MUC6: variants seen among roughly 807,000 people sequenced by gnomAD.
MUC6 encodes mucin-6.
MUC6 carries 188 observed loss-of-function variants against 201.5 expected under a neutral mutation model. That is an observed-to-expected ratio of 0.93 (90% CI 0.83 to 1.05). The LOEUF (loss-of-function observed/expected upper bound fraction) is 1.05, where lower values mean the gene tolerates loss of function less well. Ranked by LOEUF, MUC6 falls within the 50% of genes least tolerant of loss-of-function variation. The pLI, the probability that MUC6 is intolerant of heterozygous loss-of-function variation, is 0.00. For synonymous variants in MUC6, 1,228 were observed against 1,389.4 expected, an observed-to-expected ratio of 0.88 and a Z score of 2.58; for missense variants, 2,706 against 3,256.9, an observed-to-expected ratio of 0.83 and a Z score of 4.12.
chr11:1,015,192 G>A (rs1383552079), intron 31 of MUC6, among the ~76,000 whole-genome samples: 1 of 145,482 alleles, frequency 6.9e-6, no homozygotes, highest in Non-Finnish European at 1.5e-5. Flanking sequence ...CTGGGGAGCA[G>A]TGGACTCGCT....
chr11:1,030,371 C>G, intron 7 of MUC6, 36 bp from the exon 8 acceptor site: 1 of 1,479,966 alleles, frequency 6.8e-7, no homozygotes, highest in Non-Finnish European at 9.1e-7. Flanking sequence ...GAGGGTCCCA[C>G]CCCCCCCACC....
intron 31 of MUC6, among the ~76,000 whole-genome samples, chr11:1,014,661 G>A (rs951287937): frequency 2.6e-5 from 4 of 152,300 alleles, no homozygotes; most frequent in Admixed American, 2.6e-4. Flanking sequence ...GTTTAAAAGT[G>A]GAAAAGGAGT....
At chr11:1,014,582 C>T (rs1856558824) in intron 31 of MUC6, among the ~76,000 whole-genome samples, 1 of 152,192 alleles carries the variant, frequency 6.6e-6, no homozygotes, top group African/African-American at 2.4e-5. Context: ...TGGCAGGCAG[C>T]ACAGAGCAGG....
In MUC6 at chr11:1,016,000, C is replaced by G; in HGVS notation, c.6801G>C (p.Gln2267His). 1 of 1,603,358 alleles carries G rather than the reference C, an allele frequency of 6.2e-7. No individual in the cohort carries two copies. Among genetic ancestry groups the G allele is most frequent in the Non-Finnish European group, 8.5e-7 (1 of 1,173,492 alleles). The stretch of plus-strand genomic sequence containing the variant: ...GAGAAGTGGACCGCGAGGTGGTGGA[C>G]TGAGAGGAGAAGGCAGGGGCGGTGT... ...STHTAPAFSS[Q>H]STTSRSTSLT... Residue 2267 changes from glutamine (Q) to histidine (H), a missense_variant, in exon 31 of 33, where the codon CAG becomes CAC. Coordinates refer to ENST00000421673, the MANE Select transcript of MUC6 (RefSeq NM_005961.3).
At position 1,026,364 on chromosome 11, in the gene MUC6, G is replaced by C. The variant is rs770239837; in HGVS notation, c.2509C>G (p.Pro837Ala). The C allele has an allele frequency of 1.3e-5, 21 of 1,601,006 alleles. No homozygotes were observed. In the African/African-American group the frequency reaches 2.0e-4, roughly 15 times the overall value. The change falls in exon 20 of 33, where the codon CCT becomes GCT. Residue 837 changes from proline to alanine, a missense_variant. This residue lies in a region of MUC6 where 1,850 missense variants were observed against 1,958.3 expected (regional missense o/e 0.94). Transcript: ENST00000421673. ...CPCEFSGVSY[P>A]GGAELHTDCR... The stretch of plus-strand genomic sequence containing the variant: ...TCAGTGTGGAGCTCAGCTCCTCCAG[G>C]GTAGGAGACCCCCGAGAACTCACAT...
At chr11:1,021,971 T>C (rs1400551956) in intron 26 of MUC6, among the ~76,000 whole-genome samples, 2 of 151,896 alleles carry the variant, frequency 1.3e-5, no homozygotes, top group Non-Finnish European at 2.9e-5. Flanking sequence ...GCCACAGGCC[T>C]CACAAAGACC....
In MUC6 at chr11:1,033,596, C is replaced by G. The variant is rs1295367427; in HGVS notation, c.53-521G>C. 6.6e-6 allele frequency among the ~76,000 whole-genome samples: 1 copy of G among 152,098 alleles called. No individual in the cohort carries two copies. Among genetic ancestry groups the G allele is most frequent in the Non-Finnish European group, 1.5e-5 (1 of 67,996 alleles). ...TCCTGCACGTCAGCCTTGAGACAGC[C>G]TTGATGTCAGGCCTGGCACTGAGGC... On this transcript the variant is annotated intron_variant, in intron 1 of 32. Coordinates refer to ENST00000421673, the MANE Select transcript of MUC6 (RefSeq NM_005961.3). This position sits in a 1 kb window ranked among gnomAD's most constrained non-coding sequence, Gnocchi z 5.6.
Position 1,021,216 on chromosome 11 carries a change from G to T in MUC6, c.3588C>A (p.Cys1196Ter), listed in dbSNP as rs1156620982. 6 of 1,585,220 alleles carry T rather than the reference G, an allele frequency of 3.8e-6. No homozygotes were observed. Among genetic ancestry groups the T allele is most frequent in the Non-Finnish European group, 5.1e-6 (6 of 1,167,890 alleles). ...CTCAGGGCAGCCGACTGGACTTACT[G>T]CAGGGCACGCACACCCCCTCCTCGT... ...FDHEEGVCVP[C>*]MPPTTPQPPT... Residue 1196 changes from cysteine to a stop codon, truncating the protein, a stop_gained and splice_region_variant, in exon 27 of 33, where the codon TGC (cysteine) becomes TGA (stop). Coordinates refer to ENST00000421673, the MANE Select transcript of MUC6 (RefSeq NM_005961.3). LOFTEE classifies it high-confidence loss of function.
rs775643801 is a variant in MUC6, at chr11:1,029,577, C to T, written c.1054G>A (p.Val352Met). Residue 352 changes from valine (V) to methionine (M), a missense_variant, in exon 9 of 33, where the codon GTG becomes ATG. Physicochemically the swap from Val to Met is conservative, Grantham distance 21 (BLOSUM62 1). Coordinates refer to ENST00000421673, the MANE Select transcript of MUC6 (RefSeq NM_005961.3). ...LNDLSNNHTC[V>M]PVTQCPCVLH... ...ACACAGGGGCACTGGGTGACGGGCA[C>T]GCAGGTGTGGTTATTGGAGAGGTCA... The T allele has an allele frequency of 7.3e-5, 117 of 1,609,086 alleles. 1 individual carries two copies. Among genetic ancestry groups the T allele is most frequent in the African/African-American group, 1.3e-4 (10 of 74,944 alleles).
At position 1,031,568 on chromosome 11, in the gene MUC6, T is replaced by C. The variant is rs1490013975; in HGVS notation, c.483+39A>G. On this transcript the variant is annotated intron_variant, in intron 4 of 32. Transcript: ENST00000421673. ...CCAAGTCCCACCTGCCCCCCCGTGC[T>C]GCGGGTCTCCAGGCCCACCCTGGCC... 1.9e-6 allele frequency: 3 copies of C among 1,538,552 alleles called. No individual in the cohort carries two copies. In the African/African-American group the frequency reaches 4.1e-5, roughly 21 times the overall value.
At position 1,016,161 on chromosome 11, in the gene MUC6, G is replaced by A. The variant is rs777065638; in HGVS notation, c.6640C>T (p.His2214Tyr). 3.7e-6 allele frequency: 6 copies of A among 1,613,456 alleles called. No individual in the cohort carries two copies. The highest frequency in any genetic ancestry group is 5.1e-6 in the Non-Finnish European group (6 of 1,179,776). Residue 2214 changes from histidine to tyrosine, a missense_variant, in exon 31 of 33, where the codon CAC (histidine) becomes TAC (tyrosine). His to Tyr is a moderately conservative substitution (Grantham distance 83, BLOSUM62 2). Coordinates refer to ENST00000421673, the MANE Select transcript of MUC6 (RefSeq NM_005961.3). ...AGGGTGAAAGGAGAGGAGATAGTGT[G>A]GGGGAGAGTGGCCCTAATGGTAGTA... ...ASTTIRATLP[H>Y]TISSPFTLSA...
chr11:1,021,159 C>G, intron 27 of MUC6, 56 bp downstream of exon 27: 1 of 1,462,622 alleles, frequency 6.8e-7, no homozygotes, highest in Non-Finnish European at 9.2e-7. Context: ...TGTGGACGTG[C>G]GTTCTGCCTG....
At position 1,025,182 on chromosome 11, in the gene MUC6, C is replaced by G. The variant is rs780337523; in HGVS notation, c.2985G>C (p.Gln995His). The change falls in exon 23 of 33, where the codon CAG becomes CAC. Residue 995 changes from glutamine (Q) to histidine (H), a missense_variant and splice_region_variant. Coordinates refer to ENST00000421673, the MANE Select transcript of MUC6 (RefSeq NM_005961.3). Reference sequence around the variant, plus strand: ...GGAGGAGGCAGAGGGCGTGCGGTACCTGGGAGGCACGGGCGATCCTGATGA... The same window carrying G: ...GGAGGAGGCAGAGGGCGTGCGGTACGTGGGAGGCACGGGCGATCCTGATGA... ...TILIRIARAS[Q>H]DPLCGLCGNF... The G allele has an allele frequency of 1.9e-6, 3 of 1,611,214 alleles. No homozygotes were observed. The African/African-American group carries it at 4.0e-5, about 22-fold the overall frequency.
chr11:1,030,876 TG>T, intron 6 of MUC6, 70 bp downstream of exon 6: 2 of 1,528,794 alleles, frequency 1.3e-6, no homozygotes, highest in Non-Finnish European at 1.8e-6. Flanking sequence ...CGGCTGCTTG[TG>T]GGGGCCCTTG....
rs1292716378 is a variant in MUC6, at chr11:1,025,317, C to T, written c.2850G>A (p.Glu950=). The change falls in exon 23 of 33, where the codon GAG becomes GAA. Residue 950 remains glutamate, a synonymous_variant. Transcript: ENST00000421673. The part of the protein sequence containing the change: ...ADRNYTVTGE[E]PHVQLGVTPG... ...GCGTCACCCCGAGCTGCACGTGGGG[C>T]TCCTCCCCGGTGACCGTGTAGTTTC... 6.2e-6 allele frequency: 10 copies of T among 1,612,350 alleles called. No individual in the cohort carries two copies. In the African/African-American group the frequency reaches 9.3e-5, roughly 15 times the overall value.
At chr11:1,028,413 C>T (rs759648246) in intron 13 of MUC6, 26 bp from the exon 14 acceptor site, 2 of 1,607,598 alleles carry the variant, frequency 1.2e-6, no homozygotes, top group Non-Finnish European at 8.5e-7. Flanking sequence ...GTGAGCTCGA[C>T]TTGAACCCAT....
In MUC6 at chr11:1,016,132, A is replaced by G; in HGVS notation, c.6669T>C (p.Ser2223=). Residue 2223 remains serine, a synonymous_variant, in exon 31 of 33, where the codon TCT becomes TCC. Coordinates refer to ENST00000421673, the MANE Select transcript of MUC6 (RefSeq NM_005961.3). The part of the protein sequence containing the change: ...PHTISSPFTL[S]ALLPISTVTV... Reference sequence around the variant, plus strand: ...TAACAGTGGATATGGGGAGTAGAGCAGAGAGGGTGAAAGGAGAGGAGATAG... The same window carrying G: ...TAACAGTGGATATGGGGAGTAGAGCGGAGAGGGTGAAAGGAGAGGAGATAG... 6.2e-7 allele frequency: 1 copy of G among 1,613,684 alleles called. No individual in the cohort carries two copies. Among genetic ancestry groups the G allele is most frequent in the Non-Finnish European group, 8.5e-7 (1 of 1,179,792 alleles).
chr11:1,017,666 G>T lies in MUC6; in HGVS notation c.5135C>A (p.Thr1712Asn). The T allele has an allele frequency of 6.6e-7, 1 of 1,513,070 alleles. No individual in the cohort carries two copies. The highest frequency in any genetic ancestry group is 8.9e-7 in the Non-Finnish European group (1 of 1,123,670). 93.7% of individuals were successfully genotyped at this position (1,513,070 alleles called of 1,614,324 possible). Residue 1712 changes from threonine to asparagine, a missense_variant, in exon 31 of 33, where the codon ACC becomes AAC. Thr to Asn is a moderately conservative substitution (Grantham distance 65, BLOSUM62 0). Around this residue, in one of 10 missense-constraint regions of MUC6, gnomAD observed 32 missense variants for 181.6 expected, o/e 0.18. Transcript: ENST00000421673. Reference protein sequence around the residue: ...HHAEATSTSTTNITPNPTSTG... With the variant: ...HHAEATSTSTNNITPNPTSTG... ...ACTGGTGGGGTTGGGGGTGATGTTG[G>T]TGGTAGAAGTTGAGGTGGCTTCAGC...
At chr11:1,023,486 G>T (rs753047049) in intron 26 of MUC6, 23 bp downstream of exon 26, 3 of 1,556,584 alleles carry the variant, frequency 1.9e-6, no homozygotes. Context: ...GTGTATCTGC[G>T]TTGCCTCCCG....
Sources: allele counts gnomAD v4.1 joint callset (sites outside exome capture counted in the v4.1 genomes callset), GRCh38; gene constraint gnomAD v4.1.1; regional missense constraint gnomAD v4.1.1; non-coding constraint Gnocchi (gnomAD v3.1); transcripts MANE v1.5; gene names NCBI Gene and HGNC (gene_info 2026-07-23, HGNC 2026-07-21).